The following SGSM1 variants were observed in gnomAD, a reference collection of about 807,000 sequenced individuals.
SGSM1 encodes small G protein signaling modulator 1.
A neutral mutation model predicts 133.8 loss-of-function variants in SGSM1; 73 were observed. The observed-to-expected ratio is 0.55, with a 90% CI of 0.45 to 0.66. The LOEUF (loss-of-function observed/expected upper bound fraction) is 0.66, where lower values mean the gene tolerates loss of function less well. Ranked by LOEUF, SGSM1 falls within the 30% of genes least tolerant of loss-of-function variation. SGSM1 has a pLI of 0.00. For missense variants in SGSM1, 1,213 were observed against 1,448.1 expected, an observed-to-expected ratio of 0.84 and a Z score of 2.64; for synonymous variants, 563 against 573.0, an observed-to-expected ratio of 0.98 and a Z score of 0.25.
chr22:24,827,622 G>A (rs1051794573), intron 2 of SGSM1, among the ~76,000 whole-genome samples: 9 of 152,058 alleles, frequency 5.9e-5, no homozygotes, highest in Non-Finnish European at 7.4e-5. Flanking sequence ...TGGGTAGTCC[G>A]TGTCATCTCA....
At chr22:24,896,580 C>T (rs1932918838) in intron 18 of SGSM1, among the ~76,000 whole-genome samples, 1 of 151,464 alleles carries the variant, frequency 6.6e-6, no homozygotes, top group African/African-American at 2.4e-5. Context: ...TAATAGTCAA[C>T]CACCTGGGTG....
intron 21 of SGSM1, among the ~76,000 whole-genome samples, chr22:24,910,428 G>A (rs1449320037): frequency 1.9e-4 from 29 of 151,968 alleles, no homozygotes; most frequent in African/African-American, 7.0e-4. Flanking sequence ...CAGGAGGATT[G>A]CTTGAGATCA....
chr22:24,894,520 G>T (rs2877253), intron 17 of SGSM1, among the ~76,000 whole-genome samples: 27,617 of 152,182 alleles, frequency 0.18, 3,265 homozygotes, highest in African/African-American at 0.32. Context: ...TCACAACTCT[G>T]GGTCAGCTGG....
intron 16 of SGSM1, among the ~76,000 whole-genome samples, chr22:24,887,943 G>A (rs1932710588): frequency 2.6e-5 from 4 of 152,174 alleles, no homozygotes; most frequent in Admixed American, 2.6e-4. Context: ...TTCCTAAACG[G>A]CTAATGAAGT....
At chr22:24,864,126 GA>G (rs972236724) in intron 9 of SGSM1, among the ~76,000 whole-genome samples, 2 of 152,120 alleles carry the variant, frequency 1.3e-5, no homozygotes, top group Non-Finnish European at 2.9e-5. Flanking sequence ...ATGTTAAAGA[GA>G]AAATGTCACG....
chr22:24,886,676 C>A lies in SGSM1; in HGVS notation c.1718C>A (p.Pro573His). Residue 573 changes from proline (P) to histidine (H), a missense_variant, in exon 16 of 25, where the codon CCC becomes CAC. By Grantham distance (77) the Pro-to-His change is moderately conservative (BLOSUM62 -2). Transcript: ENST00000400358. The part of the protein sequence containing the change: ...IQPEIRKAVW[P>H]FLLGHYQFGM... The stretch of plus-strand genomic sequence containing the variant: ...CCTGAGATCCGCAAGGCCGTGTGGC[C>A]CTTCCTCCTGGGCCACTACCAGTTC... 6.4e-7 allele frequency: 1 copy of A among 1,572,840 alleles called. No homozygotes were observed. The highest frequency in any genetic ancestry group is 2.4e-5 in the East Asian group (1 of 42,444).
At position 24,863,048 on chromosome 22, in the gene SGSM1, T is replaced by C. The variant is rs117796351; in HGVS notation, c.926+3208T>C. Among the ~76,000 whole-genome samples, 1,067 of 152,342 alleles carry C rather than the reference T, an allele frequency of 7.0e-3. 30 individuals carry two copies. In the East Asian group the frequency reaches 0.089, roughly 13 times the overall value. The stretch of plus-strand genomic sequence containing the variant: ...TGATGCTAATGTTTTGGGAAAAGCA[T>C]TGGATCCGAGGATTGCCAAGCCCCG... On this transcript the variant is annotated intron_variant, in intron 9 of 24. Transcript: ENST00000400358.
intron 12 of SGSM1, among the ~76,000 whole-genome samples, chr22:24,874,052 T>TA (rs1931896237): frequency 6.6e-6 from 1 of 152,174 alleles, no homozygotes; most frequent in South Asian, 2.1e-4. Context: ...AAAGACTAGA[T>TA]ACGTCTGTTA....
chr22:24,845,945 C>CTTTCT (rs1555924240), intron 3 of SGSM1, among the ~76,000 whole-genome samples: 3 of 32,628 alleles, frequency 9.2e-5, no homozygotes, highest in African/African-American at 2.8e-4. Context: ...CTTTTCTTTT[C>CTTTCT]TTTCTTTCTT....
chr22:24,825,028 G>A (rs566777392), intron 2 of SGSM1, among the ~76,000 whole-genome samples: 1 of 152,334 alleles, frequency 6.6e-6, no homozygotes, highest in African/African-American at 2.4e-5. Flanking sequence ...AGGGAAGGAG[G>A]TGTTAATGGG....
chr22:24,924,355 AC>A lies in SGSM1; in HGVS notation c.*85del. 1 of 1,272,654 alleles carries A rather than the reference AC, an allele frequency of 7.9e-7. No individual in the cohort carries two copies. The highest frequency in any genetic ancestry group is 1.1e-6 in the Non-Finnish European group (1 of 882,876). 78.8% of individuals were successfully genotyped at this position (1,272,654 alleles called of 1,614,324 possible). A position where few individuals can be genotyped will look rare whatever the true frequency, so the allele number is the denominator to read the frequency against. ...TACTTTTCCTCCTGGCTGGATGGGCACCCCGGGAGCGGGGTCCTGGTGTCTG... is the reference window on the plus strand; with the variant it reads ...TACTTTTCCTCCTGGCTGGATGGGCACCCGGGAGCGGGGTCCTGGTGTCTG... On this transcript the variant is annotated 3_prime_UTR_variant, in exon 25 of 25. Coordinates refer to ENST00000400358, the MANE Select transcript of SGSM1 (RefSeq NM_001098497.3).
chr22:24,860,922 A>AATATATATATATATATAT (rs1555926665), intron 9 of SGSM1, among the ~76,000 whole-genome samples: 40 of 37,584 alleles, frequency 1.1e-3, no homozygotes, highest in African/African-American at 3.2e-3. Flanking sequence ...AAAAAAAAAA[A>AATATATATATATATATAT]ATATATATAT....
chr22:24,880,553 G>A (rs1932264421), intron 14 of SGSM1, among the ~76,000 whole-genome samples: 2 of 152,248 alleles, frequency 1.3e-5, no homozygotes, highest in African/African-American at 4.8e-5. Context: ...ATGGGTCTGT[G>A]AAACAGCAGT....
chr22:24,806,606 T>C, intron 2 of SGSM1, 122 bp downstream of exon 2: 2 of 1,203,778 alleles, frequency 1.7e-6, no homozygotes, highest in Non-Finnish European at 2.2e-6. Context: ...GGTGTGGGGC[T>C]CACCTGGGTG....
chr22:24,808,949 C>T (rs187824086), intron 2 of SGSM1, among the ~76,000 whole-genome samples: 105 of 152,268 alleles, frequency 6.9e-4, no homozygotes, highest in Non-Finnish European at 1.2e-3. Flanking sequence ...CAAATCTACA[C>T]GGTGCCACAC....
At chr22:24,904,066 G>C (rs1054953578) in intron 20 of SGSM1, among the ~76,000 whole-genome samples, 6 of 151,804 alleles carry the variant, frequency 4.0e-5, no homozygotes, top group African/African-American at 1.5e-4. Context: ...CTTGAGTAAG[G>C]CCTCCTAGGT....
intron 2 of SGSM1, among the ~76,000 whole-genome samples, chr22:24,836,000 T>A (rs1288009544): frequency 6.6e-6 from 1 of 152,202 alleles, no homozygotes; most frequent in Non-Finnish European, 1.5e-5. Context: ...TTCTTAACCA[T>A]TTTTAAGTGT....
chr22:24,809,284 C>T (rs1198638300), intron 2 of SGSM1, among the ~76,000 whole-genome samples: 1 of 152,220 alleles, frequency 6.6e-6, no homozygotes, highest in East Asian at 1.9e-4. Context: ...AGATCTCCCT[C>T]CTCCCCACTC....
At chr22:24,905,029 C>T in intron 20 of SGSM1, 76 bp from the exon 21 acceptor site, 1 of 1,229,552 alleles carries the variant, frequency 8.1e-7, no homozygotes, top group Non-Finnish European at 1.2e-6. Context: ...GGGACCGAAG[C>T]AGGAGGAACA....
Sources: allele counts gnomAD v4.1 joint callset (sites outside exome capture counted in the v4.1 genomes callset), GRCh38; gene constraint gnomAD v4.1.1; transcripts MANE v1.5; gene names NCBI Gene and HGNC (gene_info 2026-07-23, HGNC 2026-07-21).